Variants in MLLT1 observed in about 807,000 individuals in gnomAD.
MLLT1 encodes the protein MLLT1 super elongation complex subunit, also known as protein ENL.
A neutral mutation model predicts 55.1 loss-of-function variants in MLLT1; 11 were observed. The ratio of observed to expected loss-of-function variants is 0.20; its 90% CI spans 0.13 to 0.33. MLLT1 has a LOEUF of 0.33. Among genes scored for constraint, MLLT1 ranks in the 10% least tolerant of loss-of-function variants. The probability of loss-of-function intolerance (pLI) is 1.00; values close to 1 mark genes in which losing one functional copy is unlikely to be tolerated. For missense variants in MLLT1, 536 were observed against 760.6 expected, an observed-to-expected ratio of 0.70 and a Z score of 3.47; for synonymous variants, 323 against 320.1, an observed-to-expected ratio of 1.01 and a Z score of -0.10.
At chr19:6,218,672 T>TA (rs1288792954) in intron 6 of MLLT1, among the ~76,000 whole-genome samples, 1 of 152,020 alleles carries the variant, frequency 6.6e-6, no homozygotes, top group East Asian at 1.9e-4. Flanking sequence ...CAGGGGGCAG[T>TA]AAAAGCCACA....
intron 2 of MLLT1, among the ~76,000 whole-genome samples, chr19:6,265,038 C>CAAAAAAA (rs928827048): frequency 1.5e-3 from 32 of 21,184 alleles, no homozygotes; most frequent in Non-Finnish European, 2.4e-3. Context: ...TAGTGAACAG[C>CAAAAAAA]AAAAAAAAAA....
In MLLT1 at chr19:6,213,783, C is replaced by T. The variant is rs2090807042; in HGVS notation, c.1422G>A (p.Arg474=). Residue 474 remains arginine (R), a synonymous_variant, in exon 10 of 12, where the codon AGG becomes AGA. Coordinates refer to ENST00000252674, the MANE Select transcript of MLLT1 (RefSeq NM_005934.4). ...CAGGCTTGCTGCAGGACTCGGGGCT[C>T]CTCCGGCCTGACACCTGCAGGGAAC... ...PPPNSKVSGR[R]SPESCSKPEK... 6.2e-7 allele frequency: 1 copy of T among 1,613,492 alleles called. No individual in the cohort carries two copies. The highest frequency in any genetic ancestry group is 2.2e-5 in the East Asian group (1 of 44,834).
At position 6,273,660 on chromosome 19, in the gene MLLT1, C is replaced by T. The variant is rs1225956965; in HGVS notation, c.13-2901G>A. ...CCTTTTTCGCTAGAAAACAGGAAGG[C>T]AACCCCTGTCCCGCTGGGAGCATTA... On this transcript the variant is annotated intron_variant, in intron 1 of 11. Coordinates refer to ENST00000252674, the MANE Select transcript of MLLT1 (RefSeq NM_005934.4). This position sits in a 1 kb window ranked among gnomAD's most constrained non-coding sequence, Gnocchi z 4.3. 6.6e-6 allele frequency among the ~76,000 whole-genome samples: 1 copy of T among 152,202 alleles called. No homozygotes were observed. Among genetic ancestry groups the T allele is most frequent in the Non-Finnish European group, 1.5e-5 (1 of 68,036 alleles).
rs568593061 is a variant in MLLT1 at position 6,233,439 on chromosome 19, C to A, written c.277-2726G>T. Among the ~76,000 whole-genome samples, 22 of 152,312 alleles carry A rather than the reference C, an allele frequency of 1.4e-4. No individual in the cohort carries two copies. The East Asian group carries it at 4.3e-3, about 29-fold the overall frequency. On this transcript the variant is annotated intron_variant, in intron 3 of 11. Coordinates refer to ENST00000252674, the MANE Select transcript of MLLT1 (RefSeq NM_005934.4). Reference sequence around the variant, plus strand: ...AAGCCCTGATCTCAGAAAAGTGGGTCTCTGCCCCAGCCCCAGGCGGGGAGG... The same window carrying A: ...AAGCCCTGATCTCAGAAAAGTGGGTATCTGCCCCAGCCCCAGGCGGGGAGG...
intron 8 of MLLT1, 130 bp from the exon 9 acceptor site, chr19:6,214,168 C>T (rs546325210): frequency 2.2e-6 from 1 of 460,184 alleles, no homozygotes; most frequent in Admixed American, 4.1e-5. Context: ...CTCCATTCAC[C>T]TCTGCGCAGG....
intron 3 of MLLT1, among the ~76,000 whole-genome samples, chr19:6,254,307 C>G (rs1479389665): frequency 1.3e-5 from 2 of 152,234 alleles, no homozygotes; most frequent in African/African-American, 2.4e-5. Flanking sequence ...TCCCACATAG[C>G]CTGCCCCATG....
chr19:6,222,043 C>T lies in MLLT1; in HGVS notation c.1110+78G>A, dbSNP rs2090903170. On this transcript the variant is annotated intron_variant, in intron 6 of 11. Transcript: ENST00000252674. The surrounding 1 kb of genome is among the most constrained non-coding windows in gnomAD (Gnocchi z 4.1). ...TGAGGTCCTGGCTCAGATCCCACCT[C>T]CTTCCGCTGTTCCAGAAGGGAGGCG... The T allele has an allele frequency of 7.8e-7, 1 of 1,279,148 alleles. No homozygotes were observed. The allele number at this position is 1,279,148 out of a possible 1,614,324, so 79.2% of individuals were successfully genotyped here.
At chr19:6,216,255 A>T (rs1424223093) in intron 8 of MLLT1, 150 bp downstream of exon 8, 6 of 634,174 alleles carry the variant, frequency 9.5e-6, no homozygotes, top group African/African-American at 9.1e-5. Context: ...CCCAGGCTGG[A>T]CTGGGGCCAC....
At chr19:6,214,390 T>A (rs913468751) in intron 8 of MLLT1, among the ~76,000 whole-genome samples, 1 of 152,182 alleles carries the variant, frequency 6.6e-6, no homozygotes, top group Non-Finnish European at 1.5e-5. Flanking sequence ...AGCTGCCTGC[T>A]GAAAACCTGC....
chr19:6,222,211 C>T lies in MLLT1; in HGVS notation c.1020G>A (p.Lys340=). ...AKDKSSTRGE[K]VKAESEPREA... is the part of the protein sequence containing the mutation. ...CCCGGGGCTCACTCTCGGCCTTCAC[C>T]TTCTCCCCTCTGGTGCTGCTCTTGT... The change falls in exon 6 of 12, where the codon AAG becomes AAA. Residue 340 remains lysine (K), a synonymous_variant. Transcript: ENST00000252674. The surrounding 1 kb of genome is among the most constrained non-coding windows in gnomAD (Gnocchi z 4.1). The T allele has an allele frequency of 1.2e-6, 2 of 1,611,850 alleles. No homozygotes were observed. Among genetic ancestry groups the T allele is most frequent in the South Asian group, 1.1e-5 (1 of 90,816 alleles).
intron 2 of MLLT1, among the ~76,000 whole-genome samples, chr19:6,263,694 AT>A (rs2091323734): frequency 6.6e-6 from 1 of 152,206 alleles, no homozygotes; most frequent in South Asian, 2.1e-4. Flanking sequence ...GAGGACAGGA[AT>A]AAGGCCGTGA....
At chr19:6,237,389 C>G (rs977374841) in intron 3 of MLLT1, among the ~76,000 whole-genome samples, 1 of 152,144 alleles carries the variant, frequency 6.6e-6, no homozygotes, top group Non-Finnish European at 1.5e-5. Flanking sequence ...CCATCTCTGC[C>G]CCGCCAAGCT....
chr19:6,245,402 T>A (rs2091158702), intron 3 of MLLT1, among the ~76,000 whole-genome samples: 1 of 151,538 alleles, frequency 6.6e-6, no homozygotes, highest in Non-Finnish European at 1.5e-5. Context: ...CTTAAAAAAG[T>A]TTTTTTAATA....
intron 8 of MLLT1, among the ~76,000 whole-genome samples, chr19:6,216,019 T>C (rs2144846652): frequency 6.6e-6 from 1 of 152,102 alleles, no homozygotes; most frequent in Non-Finnish European, 1.5e-5. Context: ...GTAAGGCAGG[T>C]GGGAAAGGAC....
At chr19:6,277,863 G>A (rs2091435276) in intron 1 of MLLT1, among the ~76,000 whole-genome samples, 1 of 152,220 alleles carries the variant, frequency 6.6e-6, no homozygotes, top group South Asian at 2.1e-4. Flanking sequence ...CAGATTGGAA[G>A]CAACAAGCTC....
At chr19:6,263,833 G>A (rs1034856887) in intron 2 of MLLT1, among the ~76,000 whole-genome samples, 27 of 152,204 alleles carry the variant, frequency 1.8e-4, no homozygotes, top group African/African-American at 5.5e-4. Flanking sequence ...TGGGGGCGCC[G>A]CAGGGCAGGG....
intron 5 of MLLT1, among the ~76,000 whole-genome samples, chr19:6,224,090 G>A (rs1349268732): frequency 6.6e-6 from 1 of 152,212 alleles, no homozygotes; most frequent in Non-Finnish European, 1.5e-5. Context: ...AAAACCACCT[G>A]AGTGTCCAGG....
intron 3 of MLLT1, among the ~76,000 whole-genome samples, chr19:6,236,304 T>C (rs2091060558): frequency 6.6e-6 from 1 of 152,128 alleles, no homozygotes; most frequent in Admixed American, 6.5e-5. Flanking sequence ...ATACGAATGC[T>C]TCACAGCCCC....
chr19:6,252,110 C>G (rs766712107), intron 3 of MLLT1, among the ~76,000 whole-genome samples: 1 of 152,150 alleles, frequency 6.6e-6, no homozygotes, highest in Non-Finnish European at 1.5e-5. Flanking sequence ...GGTTGGGTTG[C>G]AGATGGGACA....
Sources: gnomAD v4.1 joint callset for allele counts (sites outside exome capture counted in the v4.1 genomes callset) on GRCh38, gnomAD v4.1.1 for gene constraint, Gnocchi (gnomAD v3.1) non-coding constraint, MANE v1.5 for transcripts, NCBI Gene and HGNC (gene_info 2026-07-23, HGNC 2026-07-21) for gene names.